The following BACH2 variants were observed in gnomAD, a reference collection of about 807,000 sequenced individuals.
BACH2 encodes BACH transcriptional regulator 2, also known as transcription regulator protein BACH2.
Under a neutral mutation model 61.8 loss-of-function variants are expected in BACH2, and 5 were observed. The observed-to-expected ratio is 0.08, with a 90% CI of 0.04 to 0.17. BACH2 has a LOEUF of 0.17. Among genes scored for constraint, BACH2 ranks in the 10% least tolerant of loss-of-function variants. The pLI, the probability that BACH2 is intolerant of heterozygous loss-of-function variation, is 1.00. For missense variants in BACH2, 824 were observed against 1,091.1 expected (o/e 0.76, Z 3.45); for synonymous variants, 446 against 440.1 (o/e 1.01, Z -0.17).
At chr6:90,043,191 A>G (rs564083395) in intron 5 of BACH2, among the ~76,000 whole-genome samples, 2 of 152,294 alleles carry the variant, frequency 1.3e-5, no homozygotes, top group South Asian at 4.1e-4. Context: ...CATCTATCCA[A>G]GCTCACTGTT....
intron 3 of BACH2, among the ~76,000 whole-genome samples, chr6:90,207,426 A>G (rs568701760): frequency 3.1e-4 from 47 of 152,300 alleles, no homozygotes; most frequent in Non-Finnish European, 6.5e-4. Flanking sequence ...TTCAAGGTTA[A>G]TTTGTCAAAT....
chr6:90,102,769 A>G (rs1312290961), intron 4 of BACH2, among the ~76,000 whole-genome samples: 3 of 147,908 alleles, frequency 2.0e-5, no homozygotes, highest in Admixed American at 6.9e-5. Context: ...TGGCCTGGGC[A>G]ACAAGAGCGA....
intron 7 of BACH2, among the ~76,000 whole-genome samples, chr6:89,945,847 A>G (rs1383001439): frequency 2.6e-5 from 4 of 152,144 alleles, no homozygotes; most frequent in Admixed American, 2.6e-4. Context: ...CTCTATGCTG[A>G]TTTTATTTAT....
intron 4 of BACH2, among the ~76,000 whole-genome samples, chr6:90,161,071 A>G (rs1171565007): frequency 7.5e-6 from 1 of 133,948 alleles, no homozygotes; most frequent in Non-Finnish European, 1.5e-5. Flanking sequence ...CTGGCGACAG[A>G]GCGAGACTCC....
chr6:90,158,606 T>G (rs1785073900), intron 4 of BACH2, among the ~76,000 whole-genome samples: 1 of 151,656 alleles, frequency 6.6e-6, no homozygotes, highest in South Asian at 2.1e-4. Context: ...AGGGGCTTCA[T>G]GATGTGTAGT....
At chr6:90,113,692 C>T (rs1480475673) in intron 4 of BACH2, among the ~76,000 whole-genome samples, 2 of 151,678 alleles carry the variant, frequency 1.3e-5, no homozygotes, top group African/African-American at 2.4e-5. Flanking sequence ...CAGAGCTGAA[C>T]TGAAGAATAT....
intron 5 of BACH2, among the ~76,000 whole-genome samples, chr6:90,081,320 C>T (rs1032841769): frequency 6.6e-6 from 1 of 152,122 alleles, no homozygotes; most frequent in Admixed American, 6.6e-5. Flanking sequence ...GCGGCCAAAT[C>T]GAAACTAAAG....
intron 5 of BACH2, among the ~76,000 whole-genome samples, chr6:90,024,053 T>C (rs9444731): frequency 0.13 from 19,442 of 152,204 alleles, 1,454 homozygotes; most frequent in Admixed American, 0.19. Flanking sequence ...AGGGGTGCTG[T>C]TGCATGCTCT....
intron 5 of BACH2, among the ~76,000 whole-genome samples, chr6:90,037,003 G>A (rs1042080579): frequency 6.6e-6 from 1 of 152,206 alleles, no homozygotes; most frequent in East Asian, 1.9e-4. Context: ...AACACAAACT[G>A]AGCACCTAAA....
intron 5 of BACH2, among the ~76,000 whole-genome samples, chr6:90,059,055 C>T (rs867234202): frequency 5.9e-5 from 9 of 152,048 alleles, no homozygotes; most frequent in Non-Finnish European, 1.2e-4. Context: ...ATTCAGGACA[C>T]AGGCATGGGC....
At chr6:89,981,392 C>T (rs377028244) in intron 6 of BACH2, among the ~76,000 whole-genome samples, 3 of 152,180 alleles carry the variant, frequency 2.0e-5, no homozygotes, top group South Asian at 2.1e-4. Context: ...TTGCCCGCCT[C>T]GGCCTCCCAA....
At chr6:90,035,118 T>C (rs1339123969) in intron 5 of BACH2, among the ~76,000 whole-genome samples, 1 of 152,174 alleles carries the variant, frequency 6.6e-6, no homozygotes, top group Non-Finnish European at 1.5e-5. Context: ...TGTAAATCTC[T>C]GTCTCTGGCA....
At chr6:90,285,559 C>T (rs1248298863) in intron 1 of BACH2, among the ~76,000 whole-genome samples, 1 of 152,162 alleles carries the variant, frequency 6.6e-6, no homozygotes, top group Non-Finnish European at 1.5e-5. Flanking sequence ...AAAAAGTTTT[C>T]CTGAGGCATA....
chr6:89,949,135 T>C (rs1027217676), intron 7 of BACH2, among the ~76,000 whole-genome samples: 10 of 152,194 alleles, frequency 6.6e-5, no homozygotes, highest in Non-Finnish European at 1.5e-4. Flanking sequence ...ATTTCTGCTT[T>C]CTGGCTGGGT....
chr6:90,145,482 C>T (rs1420083036), intron 4 of BACH2, among the ~76,000 whole-genome samples: 1 of 152,166 alleles, frequency 6.6e-6, no homozygotes, highest in East Asian at 1.9e-4. Context: ...AAAACTAGTA[C>T]ATAGTCAGCT....
intron 4 of BACH2, chr6:90,117,123 C>A: frequency 4.2e-6 from 1 of 236,952 alleles, no homozygotes; most frequent in South Asian, 7.4e-5. Flanking sequence ...GTGCATGCGC[C>A]CAGCACTCTC....
chr6:90,026,794 A>G (rs1474553288), intron 5 of BACH2, among the ~76,000 whole-genome samples: 1 of 152,200 alleles, frequency 6.6e-6, no homozygotes, highest in Non-Finnish European at 1.5e-5. Context: ...ATTCTTAATA[A>G]AAGGAAACTT....
intron 4 of BACH2, among the ~76,000 whole-genome samples, chr6:90,176,956 G>C (rs1768003657): frequency 6.6e-6 from 1 of 152,084 alleles, no homozygotes; most frequent in East Asian, 1.9e-4. Flanking sequence ...TCTCTGGCTG[G>C]AGACTTTAGA....
At chr6:90,296,028 G>C (rs1582578260) in intron 1 of BACH2, among the ~76,000 whole-genome samples, 1 of 152,192 alleles carries the variant, frequency 6.6e-6, no homozygotes. Flanking sequence ...GGGATCGCAG[G>C]CTGGGGGCCG....
Sources: gnomAD v4.1 joint callset for allele counts (sites outside exome capture counted in the v4.1 genomes callset) on GRCh38, gnomAD v4.1.1 for gene constraint, MANE v1.5 for transcripts, NCBI Gene and HGNC (gene_info 2026-07-23, HGNC 2026-07-21) for gene names.